LAMA5: variants seen among roughly 807,000 people sequenced by gnomAD.
LAMA5 encodes laminin subunit alpha-5.
A neutral mutation model predicts 433.4 loss-of-function variants in LAMA5; 260 were observed. The observed-to-expected ratio is 0.60, with a 90% CI of 0.54 to 0.66. LAMA5 has a LOEUF of 0.66. Ranked by LOEUF, LAMA5 falls within the 30% of genes least tolerant of loss-of-function variation. The pLI, the probability that LAMA5 is intolerant of heterozygous loss-of-function variation, is 0.00. For synonymous variants in LAMA5, 2,620 were observed against 2,226.6 expected, an observed-to-expected ratio of 1.18 and a Z score of -4.97; for missense variants, 5,378 against 5,258.5, an observed-to-expected ratio of 1.02 and a Z score of -0.70.
rs774974654 is a variant in LAMA5 at position 62,309,389 on chromosome 20, G to A, written c.11035C>T (p.Arg3679Cys). ...ACTGCCCCGTGGACCTCCACAGAGC[G>A]AGTCATGGCGACGGGGGACCGGTTC... is the stretch of plus-strand genomic sequence containing the variant. ...AVNRSPVAMT[R>C]SVEVHGAVGA... is the part of the protein sequence containing the mutation. The change falls in exon 80 of 80, where the codon CGC (arginine) becomes TGC (cysteine). Residue 3679 changes from arginine (R) to cysteine (C), a missense_variant. Arg to Cys is a radical substitution (Grantham distance 180). Transcript: ENST00000252999. 1.5e-5 allele frequency: 24 copies of A among 1,589,284 alleles called. No individual in the cohort carries two copies. Among genetic ancestry groups the A allele is most frequent in the African/African-American group, 4.0e-5 (3 of 74,734 alleles).
chr20:62,339,262 G>A (rs1376296945), intron 11 of LAMA5, among the ~76,000 whole-genome samples: 2 of 133,536 alleles, frequency 1.5e-5, no homozygotes, highest in Non-Finnish European at 3.1e-5. Flanking sequence ...TTTTGAGACG[G>A]AGTCTTGATC....
intron 11 of LAMA5, 133 bp from the exon 12 acceptor site, chr20:62,338,741 T>C (rs1033388960): frequency 2.9e-6 from 3 of 1,042,854 alleles, no homozygotes; most frequent in African/African-American, 3.2e-5. Flanking sequence ...AATAAAATAA[T>C]AAAAATCCCA....
intron 11 of LAMA5, among the ~76,000 whole-genome samples, chr20:62,341,538 T>C (rs1982586782): frequency 6.6e-6 from 1 of 152,162 alleles, no homozygotes; most frequent in South Asian, 2.1e-4. Context: ...CAAAAATGTC[T>C]CCAGACATCA....
chr20:62,316,700 A>G lies in LAMA5; in HGVS notation c.7727T>C (p.Met2576Thr). Residue 2576 changes from methionine to threonine, a missense_variant, in exon 57 of 80, where the codon ATG becomes ACG. Physicochemically the swap from Met to Thr is moderately conservative, Grantham distance 81. Coordinates refer to ENST00000252999, the MANE Select transcript of LAMA5 (RefSeq NM_005560.6). ...LANSTALEEA[M>T]LQEQQRLGLV... The stretch of plus-strand genomic sequence containing the variant: ...GCCCAGCCTCTGCTGTTCCTGGAGC[A>G]TGGCCTCTTCTAGTGCAGTGCTGTT... 1 of 1,607,710 alleles carries G rather than the reference A, an allele frequency of 6.2e-7. No homozygotes were observed. The highest frequency in any genetic ancestry group is 1.1e-5 in the South Asian group (1 of 90,690).
At chr20:62,320,507 G>T in intron 50 of LAMA5, 52 bp downstream of exon 50, 1 of 1,383,548 alleles carries the variant, frequency 7.2e-7, no homozygotes. Flanking sequence ...GCGAACCGCG[G>T]GGAACACAGG....
chr20:62,341,771 C>T (rs1189035807), intron 11 of LAMA5, among the ~76,000 whole-genome samples: 1 of 149,256 alleles, frequency 6.7e-6, no homozygotes, highest in African/African-American at 2.5e-5. Flanking sequence ...GAGAACTGCA[C>T]CTGTACTTCG....
At chr20:62,328,734 C>T in intron 34 of LAMA5, 110 bp downstream of exon 34, 1 of 1,134,062 alleles carries the variant, frequency 8.8e-7, no homozygotes, top group Non-Finnish European at 1.3e-6. Context: ...GCAATGCTGC[C>T]CTGCCAGGCT....
chr20:62,341,841 AAAAAAAG>A (rs1480780679), intron 11 of LAMA5, among the ~76,000 whole-genome samples: 31 of 146,126 alleles, frequency 2.1e-4, no homozygotes, highest in African/African-American at 5.7e-4. Context: ...AAAAAAAAAA[AAAAAAAG>A]AAGAAGAAAG....
intron 53 of LAMA5, among the ~76,000 whole-genome samples, chr20:62,317,992 C>G (rs56319425): frequency 0.85 from 5,023 of 5,878 alleles, 2,162 homozygotes; most frequent in Middle Eastern, 1. Flanking sequence ...GAAAGGAAGG[C>G]GGAAGGGGGC....
intron 51 of LAMA5, 92 bp downstream of exon 51, chr20:62,319,592 T>C (rs1987442891): frequency 1.2e-6 from 1 of 861,460 alleles, no homozygotes; most frequent in South Asian, 1.5e-5. Context: ...TCCTGCCTGT[T>C]CTTCCAGGCC....
intron 1 of LAMA5, among the ~76,000 whole-genome samples, chr20:62,364,773 A>C (rs1454814994): frequency 2.0e-5 from 3 of 151,284 alleles, no homozygotes; most frequent in South Asian, 2.1e-4. Flanking sequence ...GTTCACCCCG[A>C]CCCCCATCTG....
chr20:62,326,645 G>C, intron 40 of LAMA5, 32 bp downstream of exon 40: 1 of 1,573,238 alleles, frequency 6.4e-7, no homozygotes, highest in Non-Finnish European at 8.7e-7. Context: ...AGGTCCATGA[G>C]GGACCTGGGT....
chr20:62,331,064 G>A lies in LAMA5; in HGVS notation c.3618C>T (p.Cys1206=), dbSNP rs767596689. ...GGCCAAAGGCGCCGTGGCTGCTGAT[G>A]CAGCTGACCCGGGGCTCCACGAACT... ...SPEFVEPRVS[C]ISSHGAFGPN... Residue 1206 remains cysteine, a synonymous_variant, in exon 29 of 80, where the codon TGC becomes TGT. Coordinates refer to ENST00000252999, the MANE Select transcript of LAMA5 (RefSeq NM_005560.6). 1.2e-6 allele frequency: 2 copies of A among 1,603,962 alleles called. No homozygotes were observed. The highest frequency in any genetic ancestry group is 4.5e-5 in the East Asian group (2 of 44,644).
chr20:62,330,369 G>T, intron 31 of LAMA5, 119 bp downstream of exon 31: 1 of 1,348,532 alleles, frequency 7.4e-7, no homozygotes, highest in Non-Finnish European at 9.8e-7. Flanking sequence ...GAGAACTGAT[G>T]GCAGGACAGA....
chr20:62,351,577 G>A (rs945401887), intron 6 of LAMA5, 127 bp downstream of exon 6: 7 of 838,452 alleles, frequency 8.3e-6, no homozygotes, highest in Non-Finnish European at 1.3e-5. Flanking sequence ...AGGTCACACA[G>A]ACAGCAGGGT....
At position 62,310,385 on chromosome 20, in the gene LAMA5, CCTGCT is replaced by C. The variant is rs1424050469; in HGVS notation, c.10600+29_10600+33del. 16 of 1,575,108 alleles carry C rather than the reference CCTGCT, an allele frequency of 1.0e-5. No individual in the cohort carries two copies. In the East Asian group the frequency reaches 1.3e-4, roughly 13 times the overall value. ...AACCTCCTGGAGCCCCCTGCCCTGC[CCTGCT>C]GAGGCCTGGGATGCCAGCACCCACA... On this transcript the variant is annotated intron_variant, in intron 76 of 79. Coordinates refer to ENST00000252999, the MANE Select transcript of LAMA5 (RefSeq NM_005560.6).
chr20:62,363,158 T>C (rs1986342537), intron 1 of LAMA5, among the ~76,000 whole-genome samples: 1 of 152,066 alleles, frequency 6.6e-6, no homozygotes, highest in African/African-American at 2.4e-5. Flanking sequence ...CTCCAGATCT[T>C]GCCCACAGCC....
In LAMA5 at chr20:62,310,294, G is replaced by A. The variant is rs765569760; in HGVS notation, c.10618C>T (p.Leu3540=). The A allele has an allele frequency of 6.2e-7, 1 of 1,608,106 alleles. No homozygotes were observed. The highest frequency in any genetic ancestry group is 1.1e-5 in the South Asian group (1 of 90,710). The change falls in exon 77 of 80, where the codon CTG becomes TTG. Residue 3540 remains leucine (L), a synonymous_variant. Transcript: ENST00000252999. ...TCCAGTTCCAGGCCCACATCAGGCA[G>A]TGTAGCTCCTGGGAGGTCTGCGGGG... The part of the protein sequence containing the change: ...VITLDLPGAT[L]PDVGLELEVR...
intron 62 of LAMA5, 146 bp from the exon 63 acceptor site, chr20:62,313,948 T>C (rs2004058): frequency 0.19 from 79,402 of 421,778 alleles, 11,186 homozygotes; most frequent in Middle Eastern, 0.25. Context: ...CGAGTGGGCA[T>C]GGAGAGACGG....
Sources: gnomAD v4.1 joint callset for allele counts (sites outside exome capture counted in the v4.1 genomes callset) on GRCh38, gnomAD v4.1.1 for gene constraint, MANE v1.5 for transcripts, NCBI Gene and HGNC (gene_info 2026-07-23, HGNC 2026-07-21) for gene names.